Variants in LRP1B observed in about 807,000 individuals in gnomAD.
LRP1B encodes low-density lipoprotein receptor-related protein 1B.
In LRP1B, 217 loss-of-function variants were observed where a neutral mutation model predicts 556.6. The ratio of observed to expected loss-of-function variants is 0.39; its 90% CI spans 0.35 to 0.44. The LOEUF is 0.44. Among genes scored for constraint, LRP1B ranks in the 20% least tolerant of loss-of-function variants. The probability of loss-of-function intolerance (pLI) is 1.00; values close to 1 mark genes in which losing one functional copy is unlikely to be tolerated. For missense variants in LRP1B, 5,053 were observed against 5,620.8 expected (o/e 0.90, Z 3.23); for synonymous variants, 2,047 against 1,865.8 (o/e 1.10, Z -2.50).
rs745470765 is a variant in LRP1B, at chr2:141,015,925, T to TA, written c.1971-11dup. On this transcript the variant is annotated splice_polypyrimidine_tract_variant and intron_variant, in intron 12 of 90. Transcript: ENST00000389484. ...TGTCCAATACATCCAACTAAGACAT[T>TA]AAAAAAACAACAAAAATGCATACAT... 10 of 1,603,912 alleles carry TA rather than the reference T, an allele frequency of 6.2e-6. No individual in the cohort carries two copies. Among genetic ancestry groups the TA allele is most frequent in the South Asian group, 3.3e-5 (3 of 90,876 alleles).
At chr2:141,374,050 G>A (rs916440804) in intron 3 of LRP1B, among the ~76,000 whole-genome samples, 1 of 151,910 alleles carries the variant, frequency 6.6e-6, no homozygotes, top group African/African-American at 2.4e-5. Context: ...TCAGTCTAGT[G>A]GTTACAAATT....
intron 27 of LRP1B, among the ~76,000 whole-genome samples, chr2:140,862,544 G>A (rs531724167): frequency 6.6e-6 from 1 of 152,074 alleles, no homozygotes; most frequent in African/African-American, 2.4e-5. Flanking sequence ...CTTTCCCCAG[G>A]TTTCCCACTC....
intron 2 of LRP1B, among the ~76,000 whole-genome samples, chr2:141,688,560 G>A (rs1691396703): frequency 6.6e-6 from 1 of 151,868 alleles, no homozygotes; most frequent in South Asian, 2.1e-4. Context: ...TAATAATGAT[G>A]AAAGTGAAAG....
At chr2:140,822,201 G>C (rs1691353531) in intron 31 of LRP1B, among the ~76,000 whole-genome samples, 1 of 152,122 alleles carries the variant, frequency 6.6e-6, no homozygotes, top group Non-Finnish European at 1.5e-5. Context: ...AAAATCTTCT[G>C]ATATGTAAAC....
intron 43 of LRP1B, among the ~76,000 whole-genome samples, chr2:140,584,049 T>C (rs1462105202): frequency 6.6e-6 from 1 of 152,012 alleles, no homozygotes; most frequent in Non-Finnish European, 1.5e-5. Flanking sequence ...TAATAATTAG[T>C]TTTAATCTTT....
chr2:140,559,827 T>C (rs1322846762), intron 43 of LRP1B, among the ~76,000 whole-genome samples: 1 of 150,664 alleles, frequency 6.6e-6, no homozygotes, highest in East Asian at 1.9e-4. Context: ...TTCTGGTTAA[T>C]AAATATGGAA....
At chr2:140,802,622 T>C (rs1690554825) in intron 32 of LRP1B, among the ~76,000 whole-genome samples, 1 of 152,204 alleles carries the variant, frequency 6.6e-6, no homozygotes, top group Non-Finnish European at 1.5e-5. Flanking sequence ...ATTTCACTTC[T>C]AGTGATGCTT....
At chr2:141,823,385 G>C (rs934571087) in intron 1 of LRP1B, among the ~76,000 whole-genome samples, 3 of 152,120 alleles carry the variant, frequency 2.0e-5, no homozygotes, top group South Asian at 2.1e-4. Context: ...GAGGTGGAAA[G>C]TGCTCAACAT....
intron 72 of LRP1B, among the ~76,000 whole-genome samples, chr2:140,362,793 C>T (rs1048440672): frequency 1.3e-5 from 2 of 151,650 alleles, no homozygotes; most frequent in Non-Finnish European, 3.0e-5. Flanking sequence ...CATACTTTTA[C>T]AAATTACTAT....
intron 73 of LRP1B, 63 bp downstream of exon 73, chr2:140,358,758 T>C: frequency 6.4e-7 from 1 of 1,553,280 alleles, no homozygotes; most frequent in South Asian, 1.1e-5. Flanking sequence ...AAAATGTTTG[T>C]ACTCCAAGTC....
chr2:140,901,378 C>G (rs955246533), intron 23 of LRP1B, among the ~76,000 whole-genome samples: 1 of 151,876 alleles, frequency 6.6e-6, no homozygotes, highest in African/African-American at 2.4e-5. Flanking sequence ...CATACTTCCT[C>G]TAACAAATCT....
intron 25 of LRP1B, among the ~76,000 whole-genome samples, chr2:140,875,999 T>C (rs1693292755): frequency 6.6e-6 from 1 of 152,160 alleles, no homozygotes; most frequent in African/African-American, 2.4e-5. Flanking sequence ...GTTTTGGTTC[T>C]CTTTAGAAGG....
chr2:141,873,128 C>T (rs1698643385), intron 1 of LRP1B, among the ~76,000 whole-genome samples: 1 of 151,868 alleles, frequency 6.6e-6, no homozygotes, highest in Non-Finnish European at 1.5e-5. Context: ...TATGCTATTA[C>T]ATGTTTTGAC....
In LRP1B at chr2:142,044,454, T is replaced by A. The variant is rs138554095; in HGVS notation, c.82+86194A>T. ...TTCAGAGGTTGAGCTGATCTTTGCA[T>A]GCTCCTCCTGCAGAGCAGAAAGATG... On this transcript the variant is annotated intron_variant, in intron 1 of 90. Coordinates refer to ENST00000389484, the MANE Select transcript of LRP1B (RefSeq NM_018557.3). Among the ~76,000 whole-genome samples the A allele has an allele frequency of 8.1e-3, 1,223 of 151,840 alleles. 15 individuals are homozygous for A. The highest frequency in any genetic ancestry group is 0.028 in the African/African-American group (1,142 of 41,494).
intron 14 of LRP1B, among the ~76,000 whole-genome samples, chr2:141,010,863 T>C (rs1168150161): frequency 1.3e-5 from 2 of 151,796 alleles, no homozygotes; most frequent in East Asian, 1.9e-4. Context: ...ATCTGATTAG[T>C]TGACTAATTT....
At chr2:141,188,678 C>T in intron 6 of LRP1B, 95 bp from the exon 7 acceptor site, 2 of 1,077,752 alleles carry the variant, frequency 1.9e-6, no homozygotes, top group South Asian at 3.1e-5. Context: ...TCATAGAGGA[C>T]ATTTCAAAAG....
chr2:141,112,524 C>T (rs77598745), intron 7 of LRP1B, among the ~76,000 whole-genome samples: 4,190 of 152,084 alleles, frequency 0.028, 142 homozygotes, highest in East Asian at 0.14. Flanking sequence ...TGTTCAAGCA[C>T]GAGTTATAAT....
intron 41 of LRP1B, among the ~76,000 whole-genome samples, chr2:140,667,160 G>T (rs966800803): frequency 1.3e-5 from 2 of 152,112 alleles, no homozygotes; most frequent in Non-Finnish European, 2.9e-5. Context: ...CAATGTTGTT[G>T]TCCTCACTGT....
Position 141,229,190 on chromosome 2 carries a change from G to A in LRP1B, c.843C>T (p.Ser281=), listed in dbSNP as rs761964973. 1.3e-5 allele frequency: 21 copies of A among 1,612,714 alleles called. No homozygotes were observed. The highest frequency in any genetic ancestry group is 1.6e-5 in the Non-Finnish European group (19 of 1,179,322). ...TDEWTINILQ[S]FHNVQQMAID... Reference sequence around the variant, plus strand: ...TTTAATTGAAACACTTACTGTGGAAGGATTGAAGAATATTGATTGTCCATT... The same window carrying A: ...TTTAATTGAAACACTTACTGTGGAAAGATTGAAGAATATTGATTGTCCATT... The change falls in exon 6 of 91, where the codon TCC becomes TCT. Residue 281 remains serine (S), a synonymous_variant. Transcript: ENST00000389484.
Sources: gnomAD v4.1 joint callset for allele counts (sites outside exome capture counted in the v4.1 genomes callset) on GRCh38, gnomAD v4.1.1 for gene constraint, MANE v1.5 for transcripts, NCBI Gene and HGNC (gene_info 2026-07-23, HGNC 2026-07-21) for gene names.